The following NIM1K variants were observed in gnomAD, a reference collection of about 807,000 sequenced individuals.
NIM1K encodes serine/threonine-protein kinase NIM1.
NIM1K carries 35 observed loss-of-function variants against 37.1 expected under a neutral mutation model. The ratio of observed to expected loss-of-function variants is 0.94; its 90% confidence interval spans 0.72 to 1.25. The LOEUF is 1.25. Among genes scored for constraint, NIM1K ranks in the 50% most tolerant of loss-of-function variants. NIM1K has a pLI of 0.00. For synonymous variants in NIM1K, 234 were observed against 206.6 expected, an observed-to-expected ratio of 1.13 and a Z score of -1.14; for missense variants, 564 against 548.0, an observed-to-expected ratio of 1.03 and a Z score of -0.29.
chr5:43,248,924 G>A (rs1017956573), intron 2 of NIM1K, among the ~76,000 whole-genome samples: 39 of 151,534 alleles, frequency 2.6e-4, no homozygotes, highest in African/African-American at 9.2e-4. Context: ...ACCGAGGCTG[G>A]AGTGCAATGG....
chr5:43,254,690 C>A (rs1752915064), intron 2 of NIM1K, among the ~76,000 whole-genome samples: 1 of 152,236 alleles, frequency 6.6e-6, no homozygotes, highest in Admixed American at 6.5e-5. Flanking sequence ...AGAGCACGAA[C>A]TCAGTCTGTA....
At chr5:43,235,566 T>C (rs994984831) in intron 1 of NIM1K, among the ~76,000 whole-genome samples, 2 of 152,226 alleles carry the variant, frequency 1.3e-5, no homozygotes, top group Non-Finnish European at 2.9e-5. Context: ...TTTCATAATC[T>C]TCCTGTTGGG....
intron 1 of NIM1K, chr5:43,225,615 A>G (rs1752447061): frequency 6.6e-6 from 1 of 152,600 alleles, no homozygotes; most frequent in Non-Finnish European, 1.5e-5. Flanking sequence ...GTCCAAATAA[A>G]TTTACTAGCA....
Position 43,280,816 on chromosome 5 carries a change from G to GTC in NIM1K, c.*88_*89insCT. The GTC allele has an allele frequency of 7.2e-6, 9 of 1,255,960 alleles. No homozygotes were observed. Among genetic ancestry groups the GTC allele is most frequent in the Non-Finnish European group, 9.7e-6 (9 of 927,414 alleles). 77.8% of individuals were successfully genotyped at this position (1,255,960 alleles called of 1,614,324 possible). A position where few individuals can be genotyped will look rare whatever the true frequency, so the allele number is the denominator to read the frequency against. On this transcript the variant is annotated 3_prime_UTR_variant, in exon 4 of 4. Transcript: ENST00000326035. The stretch of plus-strand genomic sequence containing the variant: ...GGACAACTTGAGTGGAGACATTTTT[G>GTC]TAATTTTTAAATAAACTTAAATTTG...
Position 43,245,922 on chromosome 5 carries a change from G to A in NIM1K, c.147G>A (p.Glu49=). Residue 49 remains glutamate, a synonymous_variant, in exon 2 of 4, where the codon GAG becomes GAA. Transcript: ENST00000326035. ...AGCCCCGCCAGCTGACGCCCTTCGA[G>A]AAACTGACACAGGACATGTCCCAGG... ...EGQPRQLTPF[E]KLTQDMSQDE... 1 of 1,614,184 alleles carries A rather than the reference G, an allele frequency of 6.2e-7. No individual in the cohort carries two copies. Among genetic ancestry groups the A allele is most frequent in the Non-Finnish European group, 8.5e-7 (1 of 1,180,026 alleles).
intron 2 of NIM1K, among the ~76,000 whole-genome samples, chr5:43,268,347 CA>C (rs1388876730): frequency 6.6e-6 from 1 of 152,144 alleles, no homozygotes; most frequent in African/African-American, 2.4e-5. Context: ...TCAATCTCAT[CA>C]AAGGCTTGTT....
intron 1 of NIM1K, among the ~76,000 whole-genome samples, chr5:43,218,443 A>G (rs1345064130): frequency 1.3e-5 from 2 of 152,242 alleles, no homozygotes; most frequent in Non-Finnish European, 2.9e-5. Context: ...AAGCATGGTA[A>G]CATCATCTGC....
At chr5:43,193,322 T>TTCC (rs1273916772) in intron 1 of NIM1K, 1 of 150,232 alleles carries the variant, frequency 6.7e-6, no homozygotes, top group Non-Finnish European at 1.5e-5. Context: ...CCTCCCTCCT[T>TTCC]TCCTCCTCCT....
intron 2 of NIM1K, among the ~76,000 whole-genome samples, chr5:43,254,686 C>T (rs116445699): frequency 0.015 from 2,322 of 152,274 alleles, 33 homozygotes; most frequent in African/African-American, 0.041. Flanking sequence ...GGCTAGAGCA[C>T]GAACTCAGTC....
intron 1 of NIM1K, among the ~76,000 whole-genome samples, chr5:43,205,702 CTTGT>C (rs1949900508): frequency 2.0e-5 from 3 of 151,962 alleles, no homozygotes; most frequent in Admixed American, 6.6e-5. Context: ...TTCTTGTTTG[CTTGT>C]TTTTGTTTTG....
intron 2 of NIM1K, among the ~76,000 whole-genome samples, chr5:43,267,992 T>C (rs190600710): frequency 6.6e-6 from 1 of 152,324 alleles, no homozygotes; most frequent in Non-Finnish European, 1.5e-5. Flanking sequence ...GTTTAAGTCA[T>C]TGTTTCTTTG....
chr5:43,280,780 AT>A lies in NIM1K; in HGVS notation c.*58del, dbSNP rs1370768936. 1.4e-6 allele frequency: 2 copies of A among 1,479,998 alleles called. No homozygotes were observed. The highest frequency in any genetic ancestry group is 9.0e-7 in the Non-Finnish European group (1 of 1,112,142). 91.7% of individuals were successfully genotyped at this position (1,479,998 alleles called of 1,614,324 possible). ...CCAAGATGATTGTTGCTGCTTCTAA[AT>A]TTTTTTCAAGGACAACTTGAGTGGA... On this transcript the variant is annotated 3_prime_UTR_variant, in exon 4 of 4. Transcript: ENST00000326035.
chr5:43,217,902 G>T (rs1331244871), intron 1 of NIM1K, among the ~76,000 whole-genome samples: 1 of 152,050 alleles, frequency 6.6e-6, no homozygotes, highest in Non-Finnish European at 1.5e-5. Context: ...AGTGGAGACA[G>T]CATTTCACCA....
At chr5:43,196,819 G>C (rs1273491951) in intron 1 of NIM1K, among the ~76,000 whole-genome samples, 2 of 151,770 alleles carry the variant, frequency 1.3e-5, no homozygotes, top group Non-Finnish European at 2.9e-5. Flanking sequence ...GTTGCCCAGG[G>C]TAGAGTACAG....
At chr5:43,203,964 T>C (rs1389463851) in intron 1 of NIM1K, among the ~76,000 whole-genome samples, 19 of 150,288 alleles carry the variant, frequency 1.3e-4, no homozygotes, top group Admixed American at 6.0e-4. Flanking sequence ...AGGCAGAAGT[T>C]GCAATGAGCT....
rs547837882 is a variant in NIM1K, at chr5:43,232,689, G to A, written c.-694-12393G>A. ...AGAACTGCAGCTTGGACTTCTTGCC[G>A]TAATCAACCGGGAGTTGTTCCATGA... On this transcript the variant is annotated intron_variant, in intron 1 of 3. Transcript: ENST00000326035. 316 of 1,480,144 alleles carry A rather than the reference G, an allele frequency of 2.1e-4. 1 individual carries two copies. The highest frequency in any genetic ancestry group is 9.2e-4 in the South Asian group (72 of 78,234). 91.7% of individuals were successfully genotyped at this position (1,480,144 alleles called of 1,614,324 possible). A position where few individuals can be genotyped will look rare whatever the true frequency, so the allele number is the denominator to read the frequency against.
At chr5:43,230,341 T>C (rs1752519574) in intron 1 of NIM1K, among the ~76,000 whole-genome samples, 1 of 152,066 alleles carries the variant, frequency 6.6e-6, no homozygotes, top group Non-Finnish European at 1.5e-5. Flanking sequence ...GTCCACATTC[T>C]AGCTAGCAGG....
chr5:43,273,293 C>T lies in NIM1K; in HGVS notation c.293-3764C>T, dbSNP rs368184804. On this transcript the variant is annotated intron_variant, in intron 2 of 3. Coordinates refer to ENST00000326035, the MANE Select transcript of NIM1K (RefSeq NM_153361.4). ...ATCTTGGCTCACTGCAACCTCTGCC[C>T]CCTGGGTTCAAGCAATTCTCCTGTC... is the stretch of plus-strand genomic sequence containing the variant. Among the ~76,000 whole-genome samples, 428 of 151,770 alleles carry T rather than the reference C, an allele frequency of 2.8e-3. 2 individuals are homozygous for T. The highest frequency in any genetic ancestry group is 0.01 in the African/African-American group (420 of 41,360).
chr5:43,262,018 A>G (rs1753038516), intron 2 of NIM1K, among the ~76,000 whole-genome samples: 2 of 152,112 alleles, frequency 1.3e-5, no homozygotes, highest in Admixed American at 6.6e-5. Flanking sequence ...GTAGCCTTGT[A>G]GTATAGTTTG....
Sources: gnomAD v4.1 joint callset for allele counts (sites outside exome capture counted in the v4.1 genomes callset) on GRCh38, gnomAD v4.1.1 for gene constraint, MANE v1.5 for transcripts, NCBI Gene and HGNC (gene_info 2026-07-23, HGNC 2026-07-21) for gene names.